Variants in LIPA observed in about 807,000 individuals in gnomAD.
LIPA encodes the protein lipase A, lysosomal acid type, also known as lysosomal acid lipase/cholesteryl ester hydrolase.
A neutral mutation model predicts 40.6 loss-of-function variants in LIPA; 26 were observed. The ratio of observed to expected loss-of-function variants is 0.64; its 90% confidence interval spans 0.47 to 0.89. The LOEUF is 0.89. Among genes scored for constraint, LIPA ranks in the 40% least tolerant of loss-of-function variants. The pLI is 0.00. For synonymous variants in LIPA, 188 were observed against 168.4 expected, an observed-to-expected ratio of 1.12 and a Z score of -0.90; for missense variants, 455 against 479.6, an observed-to-expected ratio of 0.95 and a Z score of 0.48.
chr10:89,218,916 A>G (rs1295116466), intron 8 of LIPA, among the ~76,000 whole-genome samples: 2 of 152,242 alleles, frequency 1.3e-5, no homozygotes, highest in Non-Finnish European at 2.9e-5. Flanking sequence ...ATTTCTTTAA[A>G]TGAAAATTTA....
chr10:89,278,062 A>T (rs1446205034), intron 1 of LIPA: 1 of 152,152 alleles, frequency 6.6e-6, no homozygotes, highest in Non-Finnish European at 1.5e-5. Context: ...CTTTTTGATC[A>T]GATTATGCTC....
intron 2 of LIPA, among the ~76,000 whole-genome samples, chr10:89,387,152 T>C (rs1844216216): frequency 6.6e-6 from 1 of 151,804 alleles, no homozygotes; most frequent in African/African-American, 2.4e-5. Context: ...CCGCCTCTAC[T>C]AAAAATACAA....
intron 1 of LIPA, chr10:89,340,039 G>C: frequency 6.2e-7 from 1 of 1,614,198 alleles, no homozygotes; most frequent in Non-Finnish European, 8.5e-7. Context: ...GTCAGCATCT[G>C]AGCTTGAGGA....
chr10:89,234,992 A>G (rs1842887363), intron 3 of LIPA, among the ~76,000 whole-genome samples: 1 of 152,244 alleles, frequency 6.6e-6, no homozygotes, highest in Admixed American at 6.5e-5. Flanking sequence ...TGTGTCTGAC[A>G]CCACAGGCCA....
intron 1 of LIPA, among the ~76,000 whole-genome samples, chr10:89,325,819 C>G (rs958033115): frequency 1.3e-5 from 2 of 152,078 alleles, no homozygotes; most frequent in Non-Finnish European, 1.5e-5. Context: ...ATGCAATTTA[C>G]CTAAATAACA....
In LIPA at chr10:89,298,938, G is replaced by A. The variant is rs139431441; in HGVS notation, c.-2+43673C>T. Among the ~76,000 whole-genome samples the A allele has an allele frequency of 2.0e-3, 299 of 151,636 alleles. 4 individuals carry two copies. The highest frequency in any genetic ancestry group is 6.5e-4 in the Non-Finnish European group (44 of 67,908). The stretch of plus-strand genomic sequence containing the variant: ...GCAGAGGTTGCAGTGAGCAGAGATC[G>A]CACCACTGCACTCCAGCCTAGGCAA... On this transcript the variant is annotated intron_variant, in intron 1 of 5. Transcript: ENST00000282673.
upstream of LIPA, among the ~76,000 whole-genome samples, chr10:89,344,753 G>A (rs557902649): frequency 6.6e-6 from 1 of 152,074 alleles, no homozygotes; most frequent in Non-Finnish European, 1.5e-5. Flanking sequence ...GAATTTCCAA[G>A]TTTGATAAAG....
intron 2 of LIPA, among the ~76,000 whole-genome samples, chr10:89,361,276 A>G (rs762916778): frequency 2.0e-4 from 30 of 152,344 alleles, no homozygotes; most frequent in Admixed American, 1.3e-4. Flanking sequence ...ACTCTAAGAA[A>G]TAATTCTTTG....
intron 1 of LIPA, among the ~76,000 whole-genome samples, chr10:89,275,446 T>C (rs1589585927): frequency 6.6e-6 from 1 of 152,220 alleles, no homozygotes; most frequent in East Asian, 1.9e-4. Flanking sequence ...CTCGTGGTTG[T>C]GGTTCCAGCC....
At chr10:89,216,560 CA>C (rs1842630008) in intron 8 of LIPA, among the ~76,000 whole-genome samples, 2 of 151,584 alleles carry the variant, frequency 1.3e-5, no homozygotes, top group South Asian at 2.1e-4. Context: ...TGGAAAAAAA[CA>C]ATAAAAGATA....
rs2038403369 is a variant in LIPA, at chr10:89,393,329, A to T, written c.61+19462T>A. ...AAACAGATTGCCTCCTCCCTGGAAA[A>T]TCTAGGCTCTTGGTACGTCCTTGAC... On this transcript the variant is annotated intron_variant, in intron 2 of 8. Transcript: ENST00000371837. The T allele has an allele frequency of 2.0e-5, 26 of 1,282,728 alleles. 1 individual carries two copies. In the South Asian group the frequency reaches 3.2e-4, roughly 16 times the overall value. The allele number at this position is 1,282,728 out of a possible 1,614,324, so 79.5% of individuals were successfully genotyped here.
intron 8 of LIPA, among the ~76,000 whole-genome samples, chr10:89,219,659 G>A (rs73369914): frequency 2.8e-4 from 42 of 152,234 alleles, no homozygotes; most frequent in African/African-American, 9.1e-4. Context: ...CAGCCTGCCC[G>A]GCATCCAGGC....
intron 6 of LIPA, 107 bp from the exon 7 acceptor site, chr10:89,223,937 T>C: frequency 8.5e-7 from 1 of 1,174,518 alleles, no homozygotes; most frequent in South Asian, 1.2e-5. Context: ...TCTCCACGAA[T>C]GGCCTCAGGA....
At chr10:89,383,348 A>G in intron 2 of LIPA, 1 of 1,613,730 alleles carries the variant, frequency 6.2e-7, no homozygotes, top group South Asian at 1.1e-5. Flanking sequence ...CTTATTGAAG[A>G]CAGCCTGATT....
intron 1 of LIPA, among the ~76,000 whole-genome samples, chr10:89,262,729 A>G (rs751908260): frequency 6.6e-6 from 1 of 152,242 alleles, no homozygotes; most frequent in Admixed American, 6.5e-5. Context: ...GGTGACTCAC[A>G]TGAGGAATGT....
At chr10:89,305,966 A>T in intron 1 of LIPA, 1 of 1,608,368 alleles carries the variant, frequency 6.2e-7, no homozygotes, top group Non-Finnish European at 8.5e-7. Flanking sequence ...CTACAGTGAG[A>T]ACAATAAGAA....
chr10:89,320,949 C>CA (rs1843568481), intron 1 of LIPA, among the ~76,000 whole-genome samples: 1 of 151,694 alleles, frequency 6.6e-6, no homozygotes, highest in Non-Finnish European at 1.5e-5. Context: ...ACAAACCTGA[C>CA]AAAAACAAGC....
At chr10:89,328,072 T>C in intron 1 of LIPA, 1 of 1,613,970 alleles carries the variant, frequency 6.2e-7, no homozygotes, top group Non-Finnish European at 8.5e-7. Flanking sequence ...CAGAGGGCAG[T>C]CATGAGGTCA....
At chr10:89,407,187 G>A (rs972864970) in intron 2 of LIPA, among the ~76,000 whole-genome samples, 2 of 152,070 alleles carry the variant, frequency 1.3e-5, no homozygotes, top group African/African-American at 2.4e-5. Flanking sequence ...TTGACCCTGC[G>A]GCCATGAGTG....
Sources: allele counts gnomAD v4.1 joint callset (sites outside exome capture counted in the v4.1 genomes callset), GRCh38; gene constraint gnomAD v4.1.1; transcripts MANE v1.5; gene names NCBI Gene and HGNC (gene_info 2026-07-23, HGNC 2026-07-21).